The following AKR7A3 variants were observed in gnomAD, a reference collection of about 807,000 sequenced individuals.
AKR7A3 encodes AFB1 aldehyde reductase 2.
In AKR7A3, 37 loss-of-function variants were observed where a neutral mutation model predicts 32.5. The ratio of observed to expected loss-of-function variants is 1.14; its 90% confidence interval spans 0.88 to 1.50. The LOEUF is 1.50. Among genes scored for constraint, AKR7A3 ranks in the 40% most tolerant of loss-of-function variants. The pLI, the probability that AKR7A3 is intolerant of heterozygous loss-of-function variation, is 0.00. For missense variants in AKR7A3, 412 were observed against 453.2 expected (o/e 0.91, Z 0.83); for synonymous variants, 177 against 188.4 (o/e 0.94, Z 0.50).
At chr1:19,286,019 C>G in intron 2 of AKR7A3, 27 bp from the exon 3 acceptor site, 1 of 1,613,092 alleles carries the variant, frequency 6.2e-7, no homozygotes, top group Non-Finnish European at 8.5e-7. Flanking sequence ...CCAGTCAGAA[C>G]ATAGTGCAGC....
rs1158852849 is a variant in AKR7A3 at position 19,282,581 on chromosome 1, T to G, written c.*150A>C. On this transcript the variant is annotated 3_prime_UTR_variant, in exon 7 of 7. Transcript: ENST00000361640. ...ACTAACACACAGCACCCTGGGAGTTTTATTCTTCATTTGGTGGTGACTCTT... is the reference window on the plus strand; with the variant it reads ...ACTAACACACAGCACCCTGGGAGTTGTATTCTTCATTTGGTGGTGACTCTT... The G allele has an allele frequency of 1.5e-6, 2 of 1,336,152 alleles. No individual in the cohort carries two copies. The highest frequency in any genetic ancestry group is 2.1e-6 in the Non-Finnish European group (2 of 964,192). 82.8% of individuals were successfully genotyped at this position (1,336,152 alleles called of 1,614,324 possible).
At chr1:19,280,111 ACTTT>A (rs139282691), downstream of AKR7A3, among the ~76,000 whole-genome samples, 538 of 151,812 alleles carry the variant, frequency 3.5e-3, 13 homozygotes, top group African/African-American at 0.013. Flanking sequence ...TTGTCATTTC[ACTTT>A]CTTTATGGAG....
Position 19,284,139 on chromosome 1 carries a change from A to C in AKR7A3, c.705-14T>G. The C allele has an allele frequency of 1.2e-6, 2 of 1,604,280 alleles. No individual in the cohort carries two copies. Among genetic ancestry groups the C allele is most frequent in the Non-Finnish European group, 1.7e-6 (2 of 1,174,774 alleles). Reference sequence around the variant, plus strand: ...TCCTTCCAGTAGCTGGGAAGGGGGGACGGTGGCACAGGTGTCAGGGCCACA... The same window carrying C: ...TCCTTCCAGTAGCTGGGAAGGGGGGCCGGTGGCACAGGTGTCAGGGCCACA... On this transcript the variant is annotated splice_polypyrimidine_tract_variant and intron_variant, in intron 5 of 6. Transcript: ENST00000361640.
At position 19,282,637 on chromosome 1, in the gene AKR7A3, C is replaced by A. The variant is rs1411964949; in HGVS notation, c.*94G>T. ...AGGTTTTTGTCCAAATACTTCCATCCCTAAGAATTTACTGAGGCAGTTCTA... is the reference window on the plus strand; with the variant it reads ...AGGTTTTTGTCCAAATACTTCCATCACTAAGAATTTACTGAGGCAGTTCTA... On this transcript the variant is annotated 3_prime_UTR_variant, in exon 7 of 7. Transcript: ENST00000361640. 6.3e-7 allele frequency: 1 copy of A among 1,583,538 alleles called. No homozygotes were observed. Among genetic ancestry groups the A allele is most frequent in the Admixed American group, 1.8e-5 (1 of 55,808 alleles).
downstream of AKR7A3, among the ~76,000 whole-genome samples, chr1:19,277,682 G>C (rs1569638519): frequency 1.3e-5 from 2 of 151,930 alleles, no homozygotes; most frequent in East Asian, 3.9e-4. Flanking sequence ...CACCACACCT[G>C]GCTAATATTT....
chr1:19,278,584 C>CAA (rs139665869), downstream of AKR7A3, among the ~76,000 whole-genome samples: 15 of 151,558 alleles, frequency 9.9e-5, no homozygotes, highest in South Asian at 2.5e-3. Context: ...ACAACAAAAA[C>CAA]AAAAACAAAA....
chr1:19,274,793 A>AAAG, the AKR7A3 span, among the ~76,000 whole-genome samples: 42 of 150,770 alleles, frequency 2.8e-4, no homozygotes, highest in Admixed American at 2.0e-3. Flanking sequence ...AGAAAAAAAA[A>AAAG]AAGAAGAAGA....
intron 6 of AKR7A3, 100 bp downstream of exon 6, chr1:19,283,896 A>G: frequency 6.4e-7 from 1 of 1,561,888 alleles, no homozygotes; most frequent in East Asian, 2.3e-5. Flanking sequence ...AGAAAGAGAA[A>G]TTTCAGAGGA....
intron 1 of AKR7A3, among the ~76,000 whole-genome samples, chr1:19,286,946 C>T (rs1360916430): frequency 6.6e-6 from 1 of 151,490 alleles, no homozygotes; most frequent in African/African-American, 2.4e-5. Context: ...CGCCAGCCAA[C>T]CTTGGACTCA....
intron 1 of AKR7A3, among the ~76,000 whole-genome samples, chr1:19,288,279 G>C (rs1401022043): frequency 1.3e-5 from 2 of 151,458 alleles, no homozygotes; most frequent in Non-Finnish European, 2.9e-5. Flanking sequence ...GAAGAGAAGA[G>C]AGACGAACAG....
chr1:19,286,133 G>C, intron 2 of AKR7A3, 52 bp downstream of exon 2: 1 of 1,601,934 alleles, frequency 6.2e-7, no homozygotes, highest in Non-Finnish European at 8.5e-7. Flanking sequence ...ATTAGGATCA[G>C]GATAAGGAGA....
At chr1:19,281,558 C>A (rs1387550943), downstream of AKR7A3, among the ~76,000 whole-genome samples, 2 of 151,646 alleles carry the variant, frequency 1.3e-5, no homozygotes, top group Admixed American at 6.6e-5. Flanking sequence ...TCACTTGAAC[C>A]CAGGAGGTGG....
intron 6 of AKR7A3, 107 bp downstream of exon 6, chr1:19,283,887 GAA>G (rs2093723265): frequency 3.2e-6 from 5 of 1,542,620 alleles, no homozygotes; most frequent in Non-Finnish European, 4.4e-6. Context: ...AGAGTTGAAA[GAA>G]AGAGAAATTT....
In AKR7A3 at chr1:19,284,819, G is replaced by C. The variant is rs201992244; in HGVS notation, c.605-34C>G. ...AAGCAGCAATCAGCCCCGGGGCCTA[G>C]AGTGCCCCAGAAGCTGCCACATCCC... On this transcript the variant is annotated intron_variant, in intron 4 of 6. Coordinates refer to ENST00000361640, the MANE Select transcript of AKR7A3 (RefSeq NM_012067.3). 2.0e-4 allele frequency: 327 copies of C among 1,607,944 alleles called. 10 individuals are homozygous for C. The African/African-American group carries it at 4.1e-3, about 20-fold the overall frequency.
At position 19,288,595 on chromosome 1, in the gene AKR7A3, C is replaced by T. The variant is rs367822788; in HGVS notation, c.115G>A (p.Gly39Ser). The T allele has an allele frequency of 4.4e-6, 7 of 1,602,106 alleles. No homozygotes were observed. Among genetic ancestry groups the T allele is most frequent in the Non-Finnish European group, 6.0e-6 (7 of 1,175,814 alleles). ...AAGGCCGTGTCTATCTCGGTGTGGC[C>T]GCGCTCCAGGAAGGCGCGCGTGACT... ...AAVTRAFLER[G>S]HTEIDTAFVY... Residue 39 changes from glycine (G) to serine (S), a missense_variant, in exon 1 of 7, where the codon GGC becomes AGC. Physicochemically the swap from Gly to Ser is moderately conservative, Grantham distance 56. Coordinates refer to ENST00000361640, the MANE Select transcript of AKR7A3 (RefSeq NM_012067.3).
chr1:19,276,654 T>G, the AKR7A3 span, among the ~76,000 whole-genome samples: 4,275 of 151,000 alleles, frequency 0.028, 79 homozygotes, highest in South Asian at 0.053. Flanking sequence ...ATATAAAAAT[T>G]AGACAGGCAT....
rs1335288203 is a variant in AKR7A3 at position 19,288,751 on chromosome 1, G to A, written c.-42C>T. 70 of 1,419,456 alleles carry A rather than the reference G, an allele frequency of 4.9e-5. No individual in the cohort carries two copies. The highest frequency in any genetic ancestry group is 6.0e-5 in the Non-Finnish European group (66 of 1,091,200). The allele number at this position is 1,419,456 out of a possible 1,614,324, so 87.9% of individuals were successfully genotyped here. A position where few individuals can be genotyped will look rare whatever the true frequency, so the allele number is the denominator to read the frequency against. Reference sequence around the variant, plus strand: ...GACTGTGACAGCCCAGGAGCCGCGCGCAGCGGTCGGAAGCACCAGGCTCGG... The same window carrying A: ...GACTGTGACAGCCCAGGAGCCGCGCACAGCGGTCGGAAGCACCAGGCTCGG... On this transcript the variant is annotated 5_prime_UTR_variant, in exon 1 of 7. Coordinates refer to ENST00000361640, the MANE Select transcript of AKR7A3 (RefSeq NM_012067.3).
intron 5 of AKR7A3, 35 bp downstream of exon 5, chr1:19,284,651 A>G: frequency 6.2e-7 from 1 of 1,607,640 alleles, no homozygotes; most frequent in Non-Finnish European, 8.5e-7. Context: ...AGCTGACCCC[A>G]CCCCAGCCAT....
At chr1:19,279,635 A>T (rs562492201), downstream of AKR7A3, among the ~76,000 whole-genome samples, 158 of 152,054 alleles carry the variant, frequency 1.0e-3, 2 homozygotes, top group African/African-American at 3.7e-3. Flanking sequence ...AGTAGTGGAA[A>T]CACATTGTGG....
Sources: gnomAD v4.1 joint callset for allele counts (sites outside exome capture counted in the v4.1 genomes callset) on GRCh38, gnomAD v4.1.1 for gene constraint, MANE v1.5 for transcripts, NCBI Gene and HGNC (gene_info 2026-07-23, HGNC 2026-07-21) for gene names.